The following RHPN2 variants were observed in gnomAD, a reference collection of about 807,000 sequenced individuals.
The protein encoded by RHPN2 is rhophilin-2.
A neutral mutation model predicts 79.0 loss-of-function variants in RHPN2; 40 were observed. The ratio of observed to expected loss-of-function variants is 0.51; its 90% CI spans 0.39 to 0.66. The LOEUF is 0.66. RHPN2 is among the 30% of genes least tolerant of loss of function. The pLI, the probability that RHPN2 is intolerant of heterozygous loss-of-function variation, is 0.00. For synonymous variants in RHPN2, 285 were observed against 363.5 expected (o/e 0.78, Z 2.46); for missense variants, 686 against 883.5 (o/e 0.78, Z 2.83).
chr19:33,047,930 T>C (rs1037834458), intron 1 of RHPN2, among the ~76,000 whole-genome samples: 1 of 151,976 alleles, frequency 6.6e-6, no homozygotes, highest in Non-Finnish European at 1.5e-5. Context: ...ATAATAAAAA[T>C]TTTTAAATAA....
At chr19:33,045,050 CTTTTTTTTTT>C (rs367927850) in intron 1 of RHPN2, among the ~76,000 whole-genome samples, 2 of 127,306 alleles carry the variant, frequency 1.6e-5, no homozygotes, top group Admixed American at 1.7e-4. Flanking sequence ...TGAGTATCTA[CTTTTTTTTTT>C]TTTTTTTTTG....
rs1258520986 is a variant in RHPN2, at chr19:33,052,090, G to A, written c.70-7726C>T. ...TCTTGGATTTCTAGCCTCTAGAACT[G>A]TGAAAAATAAATTTATGTTAAGTTA... On this transcript the variant is annotated intron_variant, in intron 1 of 14. Transcript: ENST00000254260. Among the ~76,000 whole-genome samples the A allele has an allele frequency of 2.0e-5, 3 of 151,774 alleles. No homozygotes were observed. In the South Asian group the frequency reaches 6.2e-4, roughly 31 times the overall value.
chr19:33,040,011 C>T (rs909447635), intron 2 of RHPN2, among the ~76,000 whole-genome samples: 1 of 151,960 alleles, frequency 6.6e-6, no homozygotes, highest in African/African-American at 2.4e-5. Flanking sequence ...CACCACAGTC[C>T]CCACCACTCC....
chr19:33,031,210 T>TATTCTATTCTATTCTA (rs151178499), intron 2 of RHPN2, among the ~76,000 whole-genome samples: 2 of 145,026 alleles, frequency 1.4e-5, no homozygotes, highest in Non-Finnish European at 3.0e-5. Context: ...TATTCTATTC[T>TATTCTATTCTATTCTA]TTCTATTCTA....
At chr19:33,033,977 C>G (rs1303150474) in intron 2 of RHPN2, among the ~76,000 whole-genome samples, 1 of 151,900 alleles carries the variant, frequency 6.6e-6, no homozygotes, top group Non-Finnish European at 1.5e-5. Context: ...ATTTTTCCAC[C>G]TTTATATATA....
Position 33,042,606 on chromosome 19 carries a change from G to C in RHPN2, c.185+1643C>G, listed in dbSNP as rs1046330888. Among the ~76,000 whole-genome samples, 5 of 152,262 alleles carry C rather than the reference G, an allele frequency of 3.3e-5. No homozygotes were observed. The South Asian group carries it at 1.0e-3, about 32-fold the overall frequency. On this transcript the variant is annotated intron_variant, in intron 2 of 14. Transcript: ENST00000254260. ...ATTCCCAGACAAACTTCCCACCCAG[G>C]ACCTCAAGTCATCAGGTATTCCGTG...
chr19:33,043,453 G>A (rs1045608490), intron 2 of RHPN2, among the ~76,000 whole-genome samples: 2 of 152,084 alleles, frequency 1.3e-5, no homozygotes, highest in Non-Finnish European at 2.9e-5. Context: ...TGGGGAGGCT[G>A]AGGCAGGAGA....
At chr19:33,006,100 A>G (rs1201984391) in intron 7 of RHPN2, among the ~76,000 whole-genome samples, 1 of 151,984 alleles carries the variant, frequency 6.6e-6, no homozygotes, top group Admixed American at 6.6e-5. Context: ...GACTGATCTC[A>G]AATTCCTGGG....
intron 1 of RHPN2, among the ~76,000 whole-genome samples, chr19:33,052,363 C>CAAATT (rs1972196011): frequency 6.6e-6 from 1 of 152,170 alleles, no homozygotes; most frequent in South Asian, 2.1e-4. Context: ...AGCTTGGGAT[C>CAAATT]TAAAGGTTCA....
intron 2 of RHPN2, among the ~76,000 whole-genome samples, chr19:33,032,563 C>A (rs1972021867): frequency 1.3e-5 from 2 of 152,040 alleles, no homozygotes; most frequent in Admixed American, 1.3e-4. Flanking sequence ...GTGCCAGGAA[C>A]ACAGGAACAG....
At chr19:32,994,224 CATCTCT>C (rs1971683199) in intron 11 of RHPN2, among the ~76,000 whole-genome samples, 171 bp from the exon 12 acceptor site, 1 of 151,994 alleles carries the variant, frequency 6.6e-6, no homozygotes, top group Non-Finnish European at 1.5e-5. Flanking sequence ...GGTGAAACCC[CATCTCT>C]ATTAAAAATA....
At chr19:32,995,893 C>T (rs1599809854) in intron 11 of RHPN2, 133 bp downstream of exon 11, 1 of 879,266 alleles carries the variant, frequency 1.1e-6, no homozygotes. Flanking sequence ...AAAAGCAGCA[C>T]CTCAGTCCCT....
At chr19:32,980,757 G>A (rs1258615464) in intron 14 of RHPN2, among the ~76,000 whole-genome samples, 3 of 152,128 alleles carry the variant, frequency 2.0e-5, no homozygotes, top group African/African-American at 4.8e-5. Flanking sequence ...GGGCTCAAGC[G>A]ATCTTCCTGC....
chr19:33,016,580 C>T, intron 4 of RHPN2, among the ~76,000 whole-genome samples: 1 of 152,068 alleles, frequency 6.6e-6, no homozygotes, highest in East Asian at 1.9e-4. Context: ...ACTCAGGAGG[C>T]TGAAGCAGGA....
At chr19:32,982,420 A>T (rs1398578800) in intron 14 of RHPN2, among the ~76,000 whole-genome samples, 1 of 152,038 alleles carries the variant, frequency 6.6e-6, no homozygotes, top group East Asian at 1.9e-4. Flanking sequence ...AAATAAATAA[A>T]TAATAAATAA....
intron 12 of RHPN2, 147 bp from the exon 13 acceptor site, chr19:32,992,116 C>G: frequency 1.3e-6 from 1 of 789,420 alleles, no homozygotes; most frequent in Non-Finnish European, 2.2e-6. Context: ...CATGCTACAG[C>G]AGTCATGCGA....
chr19:33,047,625 C>A (rs1186986983), intron 1 of RHPN2, among the ~76,000 whole-genome samples: 2 of 152,186 alleles, frequency 1.3e-5, no homozygotes, highest in Non-Finnish European at 2.9e-5. Flanking sequence ...CAGGCCTGCA[C>A]ACACCTGGCC....
At chr19:33,053,282 C>T (rs1972204377) in intron 1 of RHPN2, among the ~76,000 whole-genome samples, 1 of 152,070 alleles carries the variant, frequency 6.6e-6, no homozygotes, top group Admixed American at 6.6e-5. Context: ...AGCCACTGCG[C>T]CCAGCCTTGA....
At chr19:33,058,712 G>C (rs909871781) in intron 1 of RHPN2, among the ~76,000 whole-genome samples, 6 of 152,186 alleles carry the variant, frequency 3.9e-5, no homozygotes, top group Non-Finnish European at 5.9e-5. Context: ...CCCGGGAGGC[G>C]GAGGTTGCAG....
Sources: gnomAD v4.1 joint callset for allele counts (sites outside exome capture counted in the v4.1 genomes callset) on GRCh38, gnomAD v4.1.1 for gene constraint, MANE v1.5 for transcripts, NCBI Gene and HGNC (gene_info 2026-07-23, HGNC 2026-07-21) for gene names.